ATP10B: variants seen among roughly 807,000 people sequenced by gnomAD.
ATP10B encodes phospholipid-transporting ATPase VB.
A neutral mutation model predicts 141.2 loss-of-function variants in ATP10B; 122 were observed. The observed-to-expected ratio is 0.86, with a 90% CI of 0.75 to 1.00. The LOEUF (loss-of-function observed/expected upper bound fraction) is 1.00. Among genes scored for constraint, ATP10B ranks in the 50% least tolerant of loss-of-function variants. The pLI, the probability that ATP10B is intolerant of heterozygous loss-of-function variation, is 0.00. For synonymous variants in ATP10B, 685 were observed against 692.0 expected, an observed-to-expected ratio of 0.99 and a Z score of 0.16; for missense variants, 1,876 against 1,825.3, an observed-to-expected ratio of 1.03 and a Z score of -0.51.
At chr5:160,753,095 T>C (rs2127825751) in intron 2 of ATP10B, among the ~76,000 whole-genome samples, 1 of 152,352 alleles carries the variant, frequency 6.6e-6, no homozygotes, top group South Asian at 2.1e-4. Flanking sequence ...TTTAGGAGTG[T>C]GCCAGGGGAT....
chr5:160,693,713 C>T (rs1764211557), intron 3 of ATP10B, among the ~76,000 whole-genome samples: 1 of 152,148 alleles, frequency 6.6e-6, no homozygotes, highest in African/African-American at 2.4e-5. Context: ...TGAAACTGTT[C>T]CACCTCAGAT....
At chr5:160,811,096 G>T (rs1265944260) in intron 1 of ATP10B, among the ~76,000 whole-genome samples, 1 of 152,152 alleles carries the variant, frequency 6.6e-6, no homozygotes, top group Non-Finnish European at 1.5e-5. Context: ...GCCTTGAAGG[G>T]AAGGACCCAG....
chr5:160,856,058 G>T (rs1471452847), upstream of ATP10B, among the ~76,000 whole-genome samples: 1 of 151,328 alleles, frequency 6.6e-6, no homozygotes, highest in Non-Finnish European at 1.5e-5. Context: ...ACTATTCTTG[G>T]TTTCATGCTT....
the ATP10B span, among the ~76,000 whole-genome samples, chr5:160,908,239 A>C: frequency 6.6e-5 from 10 of 152,238 alleles, no homozygotes; most frequent in East Asian, 1.7e-3. Context: ...ACCCTTTTTG[A>C]GCCCCCAAGT....
chr5:160,670,129 T>C (rs540273210), intron 7 of ATP10B, among the ~76,000 whole-genome samples: 20 of 151,850 alleles, frequency 1.3e-4, no homozygotes, highest in African/African-American at 4.6e-4. Context: ...AGAAGAGGAG[T>C]TGGTCCTAGT....
the ATP10B span, among the ~76,000 whole-genome samples, chr5:160,915,875 T>C: frequency 6.6e-6 from 1 of 152,132 alleles, no homozygotes; most frequent in South Asian, 2.1e-4. Flanking sequence ...TCAGAGTACA[T>C]GCTCTCCTGT....
chr5:160,685,476 A>G (rs1013738998), intron 6 of ATP10B: 6 of 331,380 alleles, frequency 1.8e-5, no homozygotes, highest in Middle Eastern at 8.0e-4. Flanking sequence ...TTCCTTTTCC[A>G]CCCTGGGCAG....
At chr5:160,595,490 G>T (rs1162266585) in intron 22 of ATP10B, among the ~76,000 whole-genome samples, 1 of 152,052 alleles carries the variant, frequency 6.6e-6, no homozygotes, top group Non-Finnish European at 1.5e-5. Context: ...AACTAGAGAA[G>T]CAAGAGCAAA....
intron 1 of ATP10B, among the ~76,000 whole-genome samples, chr5:160,799,091 C>T (rs1371057615): frequency 6.6e-6 from 1 of 151,474 alleles, no homozygotes; most frequent in African/African-American, 2.4e-5. Context: ...GGAAATCCAT[C>T]ACAGGGTGAT....
intron 1 of ATP10B, among the ~76,000 whole-genome samples, chr5:160,792,365 T>C (rs1771639267): frequency 6.6e-6 from 1 of 152,138 alleles, no homozygotes; most frequent in Non-Finnish European, 1.5e-5. Context: ...TAAACCCTCT[T>C]CCTGGATCTA....
intron 7 of ATP10B, among the ~76,000 whole-genome samples, chr5:160,664,046 T>C (rs974140951): frequency 6.6e-6 from 1 of 152,224 alleles, no homozygotes; most frequent in African/African-American, 2.4e-5. Context: ...CTTCTTGATA[T>C]TTTATACTAT....
chr5:160,655,234 C>G (rs1401988313), intron 7 of ATP10B, among the ~76,000 whole-genome samples: 3 of 152,102 alleles, frequency 2.0e-5, no homozygotes, highest in African/African-American at 7.2e-5. Flanking sequence ...AAAGTTAAGG[C>G]ATTAATTGGC....
At chr5:160,638,522 C>T (rs1029557778) in intron 10 of ATP10B, among the ~76,000 whole-genome samples, 4 of 152,072 alleles carry the variant, frequency 2.6e-5, no homozygotes, top group African/African-American at 9.7e-5. Context: ...TGCTTCCCCT[C>T]CCCCAGGTGC....
At chr5:160,890,472 C>T in the ATP10B span, among the ~76,000 whole-genome samples, 4 of 152,312 alleles carry the variant, frequency 2.6e-5, no homozygotes, top group Admixed American at 2.0e-4. Flanking sequence ...CCCTGGCAAC[C>T]ACTCAGCTGC....
the ATP10B span, among the ~76,000 whole-genome samples, chr5:160,857,396 T>C: frequency 3.9e-5 from 6 of 151,960 alleles, no homozygotes; most frequent in East Asian, 1.2e-3. Flanking sequence ...CATTTCATTT[T>C]TGATATCGGT....
chr5:160,896,256 A>T, the ATP10B span, among the ~76,000 whole-genome samples: 2 of 151,618 alleles, frequency 1.3e-5, no homozygotes, highest in Non-Finnish European at 2.9e-5. Context: ...AAAAAAATCA[A>T]TGAATCCAGG....
At chr5:160,608,588 C>T (rs963205794) in intron 18 of ATP10B, among the ~76,000 whole-genome samples, 2 of 152,056 alleles carry the variant, frequency 1.3e-5, no homozygotes, top group Middle Eastern at 3.2e-3. Flanking sequence ...CTCTCTAGCA[C>T]CTGTTGTTTC....
chr5:160,860,926 C>T, the ATP10B span, among the ~76,000 whole-genome samples: 1 of 151,902 alleles, frequency 6.6e-6, no homozygotes. Flanking sequence ...CCACTTTGGA[C>T]AGGGCACAAG....
chr5:160,812,647 A>T (rs1773256353), intron 1 of ATP10B, among the ~76,000 whole-genome samples: 1 of 152,192 alleles, frequency 6.6e-6, no homozygotes, highest in Non-Finnish European at 1.5e-5. Flanking sequence ...AGCAGAATTG[A>T]TCAGGCAAAA....
Sources: allele counts gnomAD v4.1 joint callset (sites outside exome capture counted in the v4.1 genomes callset), GRCh38; gene constraint gnomAD v4.1.1; transcripts MANE v1.5; gene names NCBI Gene and HGNC (gene_info 2026-07-23, HGNC 2026-07-21).